The following PDE10A variants were observed in gnomAD, a reference collection of about 807,000 sequenced individuals.
The protein encoded by PDE10A is phosphodiesterase 10A.
A neutral mutation model predicts 97.7 loss-of-function variants in PDE10A; 39 were observed. That is an observed-to-expected ratio of 0.40 (90% CI 0.31 to 0.52). PDE10A has a LOEUF of 0.52. PDE10A is among the 20% of genes least tolerant of loss of function. The pLI is 0.56. For synonymous variants in PDE10A, 371 were observed against 376.8 expected, an observed-to-expected ratio of 0.98 and a Z score of 0.18; for missense variants, 731 against 1,047.8, an observed-to-expected ratio of 0.70 and a Z score of 4.17.
intron 1 of PDE10A, among the ~76,000 whole-genome samples, chr6:165,585,298 CA>C (rs1421131970): frequency 6.6e-6 from 1 of 152,146 alleles, no homozygotes; most frequent in Non-Finnish European, 1.5e-5. Flanking sequence ...GCCAAGTTTA[CA>C]GGGGGTGATG....
intron 1 of PDE10A, among the ~76,000 whole-genome samples, chr6:165,821,086 G>T (rs549293934): frequency 2.6e-5 from 4 of 152,286 alleles, no homozygotes; most frequent in African/African-American, 9.6e-5. Flanking sequence ...TGGGGCAGTG[G>T]CTGCCCACAG....
intron 13 of PDE10A, among the ~76,000 whole-genome samples, chr6:165,406,760 T>C (rs548960846): frequency 7.9e-5 from 12 of 152,110 alleles, no homozygotes; most frequent in African/African-American, 1.4e-4. Flanking sequence ...CCTTATCCAA[T>C]GCAGTAGGGC....
At chr6:165,593,435 T>TA (rs1786401508) in intron 1 of PDE10A, among the ~76,000 whole-genome samples, 1 of 151,876 alleles carries the variant, frequency 6.6e-6, no homozygotes, top group Non-Finnish European at 1.5e-5. Flanking sequence ...TCCCAGAACT[T>TA]AAAAGTATAA....
rs1784408800 is a variant in PDE10A at position 165,963,210 on chromosome 6, C to T, written c.-615+24319G>A. On this transcript the variant is annotated intron_variant, in intron 1 of 19. Coordinates refer to the PDE10A transcript ENST00000366882. ...TATCACATACACATATACACACTTA[C>T]ACAAGAGAAGAGCAAATATGTTCTT... Among the ~76,000 whole-genome samples the T allele has an allele frequency of 2.0e-5, 3 of 152,218 alleles. No individual in the cohort carries two copies. The South Asian group carries it at 6.2e-4, about 32-fold the overall frequency.
chr6:165,852,731 C>T (rs13201944), intron 1 of PDE10A, among the ~76,000 whole-genome samples: 5,552 of 152,254 alleles, frequency 0.036, 120 homozygotes, highest in Middle Eastern at 0.048. Context: ...CTGCTCCATG[C>T]GGGTGAGATA....
intron 1 of PDE10A, among the ~76,000 whole-genome samples, chr6:165,617,725 T>G (rs1787793936): frequency 6.6e-6 from 1 of 152,136 alleles, no homozygotes; most frequent in Admixed American, 6.6e-5. Flanking sequence ...AGCACGCAGA[T>G]GTGACTAAAT....
intron 1 of PDE10A, among the ~76,000 whole-genome samples, chr6:165,607,415 A>C (rs796646209): frequency 1.7e-4 from 26 of 152,292 alleles, no homozygotes; most frequent in African/African-American, 5.8e-4. Flanking sequence ...ATGTTCAGAT[A>C]TATTTGGTTA....
chr6:165,969,316 G>T (rs538655049), intron 1 of PDE10A, among the ~76,000 whole-genome samples: 45 of 152,228 alleles, frequency 3.0e-4, no homozygotes, highest in Admixed American at 1.0e-3. Flanking sequence ...GGAGGAGGGT[G>T]GTGGCTCAGG....
chr6:165,717,088 A>G (rs187601782), intron 1 of PDE10A, among the ~76,000 whole-genome samples: 1 of 152,316 alleles, frequency 6.6e-6, no homozygotes, highest in East Asian at 1.9e-4. Flanking sequence ...TGGAATGCAC[A>G]GTATTTGTTT....
In PDE10A at chr6:165,542,104, T is replaced by C. The variant is rs1051174960; in HGVS notation, c.994+1336A>G. Among the ~76,000 whole-genome samples the C allele has an allele frequency of 3.3e-5, 5 of 152,292 alleles. No homozygotes were observed. In the East Asian group the frequency reaches 9.6e-4, roughly 29 times the overall value. ...CACTAATAAAGTTTCCCCCAAATAG[T>C]ATCTTTGTGTTTTTAATATAAAAGT... On this transcript the variant is annotated intron_variant, in intron 2 of 21. Transcript: ENST00000539869.
At chr6:165,473,957 AT>A (rs1779154780) in intron 3 of PDE10A, among the ~76,000 whole-genome samples, 5 of 152,240 alleles carry the variant, frequency 3.3e-5, no homozygotes, top group African/African-American at 1.2e-4. Flanking sequence ...TAATGAACAG[AT>A]TCATACAGAA....
chr6:165,488,640 C>T (rs897663563), intron 2 of PDE10A, among the ~76,000 whole-genome samples: 1 of 152,036 alleles, frequency 6.6e-6, no homozygotes, highest in African/African-American at 2.4e-5. Context: ...CTCCATGAGA[C>T]AGCCGAGGAA....
intron 1 of PDE10A, among the ~76,000 whole-genome samples, chr6:165,719,318 C>T (rs1307772005): frequency 6.6e-6 from 1 of 152,130 alleles, no homozygotes; most frequent in Admixed American, 6.5e-5. Context: ...AGCTCATTAT[C>T]GGCAGGGATC....
intron 2 of PDE10A, among the ~76,000 whole-genome samples, chr6:165,489,220 G>A (rs909059428): frequency 1.3e-5 from 2 of 152,142 alleles, no homozygotes; most frequent in Non-Finnish European, 1.5e-5. Context: ...CTCCACTGGA[G>A]CAGGTGCTGG....
At chr6:165,947,333 A>G (rs947237399) in intron 1 of PDE10A, 14 of 152,228 alleles carry the variant, frequency 9.2e-5, no homozygotes, top group African/African-American at 3.4e-4. Flanking sequence ...GCTGATGCTT[A>G]AGTTGACAGT....
intron 2 of PDE10A, among the ~76,000 whole-genome samples, chr6:165,537,555 T>A (rs1281309513): frequency 6.6e-6 from 1 of 151,986 alleles, no homozygotes; most frequent in Non-Finnish European, 1.5e-5. Flanking sequence ...TTCATAATAA[T>A]ATATTCATAA....
intron 18 of PDE10A, among the ~76,000 whole-genome samples, chr6:165,353,679 G>A (rs912802819): frequency 1.3e-5 from 2 of 152,134 alleles, no homozygotes; most frequent in African/African-American, 4.8e-5. Flanking sequence ...TCTGGAAAAG[G>A]CAATGGTATG....
intron 1 of PDE10A, among the ~76,000 whole-genome samples, chr6:165,552,238 T>A (rs1675054583): frequency 6.6e-6 from 1 of 152,174 alleles, no homozygotes; most frequent in Admixed American, 6.5e-5. Context: ...AACTCCATGA[T>A]CTGTCTCATT....
rs970525022 is a variant in PDE10A, at chr6:165,379,196, A to G, written c.2781T>C (p.His927=). The G allele has an allele frequency of 6.3e-7, 1 of 1,595,682 alleles. No individual in the cohort carries two copies. The highest frequency in any genetic ancestry group is 8.5e-7 in the Non-Finnish European group (1 of 1,170,952). Residue 927 remains histidine (H), a splice_region_variant and synonymous_variant, in exon 18 of 22, where the codon CAT becomes CAC. Coordinates refer to ENST00000539869, the MANE Select transcript of PDE10A (RefSeq NM_001385079.1). ...TGSLNLNNQS[H]RDRVIGLMMT... ...AAGCTTTTAAAAATTATTTTTACCT[A>G]TGTGATTGATTATTAAGGTTTAGTG...
Sources: gnomAD v4.1 joint callset for allele counts (sites outside exome capture counted in the v4.1 genomes callset) on GRCh38, gnomAD v4.1.1 for gene constraint, MANE v1.5 for transcripts, NCBI Gene and HGNC (gene_info 2026-07-23, HGNC 2026-07-21) for gene names.